Variants in HIBCH observed in about 807,000 individuals in gnomAD.
The protein encoded by HIBCH is 3-hydroxyisobutyryl-CoA hydrolase.
Under a neutral mutation model 58.2 loss-of-function variants are expected in HIBCH, and 50 were observed. That is an observed-to-expected ratio of 0.86 (90% CI 0.68 to 1.09). The LOEUF is 1.09. HIBCH is among the 50% of genes least tolerant of loss of function. HIBCH has a pLI of 0.00. For missense variants in HIBCH, 450 were observed against 449.7 expected, an observed-to-expected ratio of 1.00 and a Z score of -0.01; for synonymous variants, 151 against 146.9, an observed-to-expected ratio of 1.03 and a Z score of -0.20.
At chr2:190,263,189 A>G (rs918794139) in intron 6 of HIBCH, among the ~76,000 whole-genome samples, 13 of 152,102 alleles carry the variant, frequency 8.5e-5, no homozygotes, top group Admixed American at 2.6e-4. Flanking sequence ...GTTTTATTGT[A>G]TTAGCTAATT....
rs1369720962 is a variant in HIBCH, at chr2:190,205,055, T to G, written c.*62A>C. On this transcript the variant is annotated 3_prime_UTR_variant, in exon 14 of 14. Transcript: ENST00000359678. ...TATAAAAACAGGCAGCAGGCTGGATTTGGCCCACATGCTGTAGATTGCCAA... is the reference window on the plus strand; with the variant it reads ...TATAAAAACAGGCAGCAGGCTGGATGTGGCCCACATGCTGTAGATTGCCAA... The G allele has an allele frequency of 1.2e-6, 1 of 845,962 alleles. No individual in the cohort carries two copies. The highest frequency in any genetic ancestry group is 2.0e-6 in the Non-Finnish European group (1 of 492,808). The allele number at this position is 845,962 out of a possible 1,614,324, so 52.4% of individuals were successfully genotyped here.
chr2:190,271,335 C>A (rs1175901155), intron 6 of HIBCH, among the ~76,000 whole-genome samples: 4 of 135,162 alleles, frequency 3.0e-5, no homozygotes, highest in African/African-American at 5.6e-5. Flanking sequence ...GTCATCCAGG[C>A]TACAGTGCAG....
rs1208519330 is a variant in HIBCH at position 190,206,357 on chromosome 2, C to T, written c.1046-1125G>A. ...TGGACAGTGTAAACAAAGAACAACC[C>T]CGGCACATTTTTTCCACAAGAATCT... On this transcript the variant is annotated intron_variant, in intron 13 of 13. Transcript: ENST00000359678. This position sits in a 1 kb window ranked among gnomAD's most constrained non-coding sequence, Gnocchi z 5.1. 1.3e-5 allele frequency among the ~76,000 whole-genome samples: 2 copies of T among 152,138 alleles called. No individual in the cohort carries two copies. The highest frequency in any genetic ancestry group is 4.8e-5 in the African/African-American group (2 of 41,436).
chr2:190,294,776 A>G, intron 3 of HIBCH, 146 bp from the exon 4 acceptor site: 3 of 671,602 alleles, frequency 4.5e-6, no homozygotes, highest in Non-Finnish European at 8.1e-6. Context: ...GATATCCAGA[A>G]GAACGAATCT....
intron 2 of HIBCH, among the ~76,000 whole-genome samples, chr2:190,303,547 G>T (rs291433): frequency 0.97 from 148,230 of 152,290 alleles, 72,181 homozygotes; most frequent in Admixed American, 0.98. Context: ...AATCAATAAT[G>T]TGATATTAGA....
intron 1 of HIBCH, among the ~76,000 whole-genome samples, chr2:190,312,816 C>T (rs558375774): frequency 2.0e-5 from 3 of 152,252 alleles, no homozygotes; most frequent in Admixed American, 6.5e-5. Context: ...CCTGGAGACT[C>T]GGCTGGGCAT....
intron 7 of HIBCH, among the ~76,000 whole-genome samples, chr2:190,258,496 G>GT (rs1230136830): frequency 1.3e-5 from 2 of 152,146 alleles, no homozygotes; most frequent in Non-Finnish European, 2.9e-5. Context: ...TCTGCTAATT[G>GT]TTTTCTTTGC....
chr2:190,299,066 T>C (rs1007338106), intron 2 of HIBCH, among the ~76,000 whole-genome samples: 9 of 152,158 alleles, frequency 5.9e-5, no homozygotes, highest in Non-Finnish European at 1.2e-4. Context: ...CTTAACACAT[T>C]CCTTTATGTA....
At chr2:190,295,473 C>G (rs1357246970) in intron 3 of HIBCH, among the ~76,000 whole-genome samples, 1 of 152,182 alleles carries the variant, frequency 6.6e-6, no homozygotes, top group Non-Finnish European at 1.5e-5. Flanking sequence ...TGACTGCGAG[C>G]AATCATGAGG....
chr2:190,288,335 T>C (rs1350518201), intron 5 of HIBCH, among the ~76,000 whole-genome samples: 1 of 151,190 alleles, frequency 6.6e-6, no homozygotes, highest in African/African-American at 2.4e-5. Context: ...ATATGGAAGA[T>C]CCAAAGTCCA....
chr2:190,261,753 T>G (rs1687092717), intron 6 of HIBCH, among the ~76,000 whole-genome samples: 1 of 152,242 alleles, frequency 6.6e-6, no homozygotes, highest in Admixed American at 6.5e-5. Flanking sequence ...GGGGGCTTCA[T>G]GCCATTCCTC....
intron 11 of HIBCH, among the ~76,000 whole-genome samples, chr2:190,231,758 AAGG>A (rs930848046): frequency 7.9e-5 from 12 of 152,212 alleles, no homozygotes; most frequent in Middle Eastern, 3.4e-3. Context: ...AGGAGAAGAA[AAGG>A]AGAAGAAGGA....
At chr2:190,189,978 G>A (rs971078390) in exon 2 of HIBCH, 1 of 152,202 alleles carries the variant, frequency 6.6e-6, no homozygotes, top group African/African-American at 2.4e-5. Context: ...GGTCCGCTCT[G>A]GATGCTGCCC....
chr2:190,265,416 T>C (rs1377559267), intron 6 of HIBCH, among the ~76,000 whole-genome samples: 1 of 152,012 alleles, frequency 6.6e-6, no homozygotes, highest in Non-Finnish European at 1.5e-5. Flanking sequence ...ATGTCTGTTC[T>C]AATCTTTTGC....
At chr2:190,199,685 T>C, downstream of HIBCH, 1 of 1,415,144 alleles carries the variant, frequency 7.1e-7, no homozygotes, top group Non-Finnish European at 9.2e-7. Flanking sequence ...GAAACCTACC[T>C]TCTCTTGACA....
intron 5 of HIBCH, 99 bp downstream of exon 5, chr2:190,290,306 T>C: frequency 1.2e-6 from 1 of 821,398 alleles, no homozygotes. Context: ...TATTAAAAGT[T>C]TAAGTAAGGA....
intron 11 of HIBCH, among the ~76,000 whole-genome samples, chr2:190,239,659 T>C (rs932184513): frequency 6.6e-6 from 1 of 150,388 alleles, no homozygotes; most frequent in African/African-American, 2.4e-5. Context: ...TTTTTTTTTT[T>C]TTTTTTTGAG....
At chr2:190,264,251 A>C (rs1203289170) in intron 6 of HIBCH, among the ~76,000 whole-genome samples, 1 of 149,076 alleles carries the variant, frequency 6.7e-6, no homozygotes. Flanking sequence ...CCCTCCAGCA[A>C]GCCACACGGG....
intron 1 of HIBCH, chr2:190,190,062 T>A (rs1689641297): frequency 6.6e-6 from 1 of 152,246 alleles, no homozygotes; most frequent in South Asian, 2.1e-4. Flanking sequence ...CAAAAACTGT[T>A]CTTATATCTT....
Sources: allele counts gnomAD v4.1 joint callset (sites outside exome capture counted in the v4.1 genomes callset), GRCh38; gene constraint gnomAD v4.1.1; non-coding constraint Gnocchi (gnomAD v3.1); transcripts MANE v1.5; gene names NCBI Gene and HGNC (gene_info 2026-07-23, HGNC 2026-07-21).